Variants in GALNT13 observed in about 807,000 individuals in gnomAD.
GALNT13 encodes the protein UDP-GalNAc:polypeptide N-acetylgalactosaminyltransferase 13.
A neutral mutation model predicts 64.2 loss-of-function variants in GALNT13; 28 were observed. The ratio of observed to expected loss-of-function variants is 0.44; its 90% confidence interval spans 0.32 to 0.60. The LOEUF is 0.60. Among genes scored for constraint, GALNT13 ranks in the 20% least tolerant of loss-of-function variants. The probability of loss-of-function intolerance (pLI) is 0.05; values close to 1 mark genes in which losing one functional copy is unlikely to be tolerated. For missense variants in GALNT13, 577 were observed against 669.8 expected (o/e 0.86, Z 1.53); for synonymous variants, 214 against 224.6 (o/e 0.95, Z 0.42).
At chr2:153,998,938 A>G (rs1695709081) in intron 3 of GALNT13, among the ~76,000 whole-genome samples, 1 of 152,094 alleles carries the variant, frequency 6.6e-6, no homozygotes, top group Non-Finnish European at 1.5e-5. Context: ...ATGCTCATGG[A>G]TAGGAAGAAT....
the GALNT13 span, among the ~76,000 whole-genome samples, chr2:153,473,593 G>GA: frequency 1.3e-5 from 2 of 152,142 alleles, no homozygotes; most frequent in Non-Finnish European, 2.9e-5. Context: ...TTGACAGGTA[G>GA]AAAAAATATT....
intron 4 of GALNT13, among the ~76,000 whole-genome samples, chr2:154,191,403 G>T (rs1686571461): frequency 6.6e-6 from 1 of 152,154 alleles, no homozygotes; most frequent in South Asian, 2.1e-4. Flanking sequence ...AGCTTGGAAA[G>T]CTGCACTTGG....
chr2:154,258,912 G>T, intron 7 of GALNT13, 109 bp from the exon 8 acceptor site: 1 of 596,502 alleles, frequency 1.7e-6, no homozygotes, highest in Admixed American at 3.2e-5. Context: ...TTTTTAGTTT[G>T]AGATTTTTTA....
chr2:154,210,917 G>T (rs1687723019), intron 4 of GALNT13, among the ~76,000 whole-genome samples: 1 of 152,110 alleles, frequency 6.6e-6, no homozygotes, highest in Non-Finnish European at 1.5e-5. Context: ...TGACTCTTAG[G>T]TGTCTAGCTT....
At chr2:153,132,798 T>C in the GALNT13 span, among the ~76,000 whole-genome samples, 1 of 152,228 alleles carries the variant, frequency 6.6e-6, no homozygotes, top group South Asian at 2.1e-4. Flanking sequence ...TGGCTTACTG[T>C]AGCTTCAACC....
the GALNT13 span, among the ~76,000 whole-genome samples, chr2:153,117,982 T>G: frequency 6.6e-6 from 1 of 152,234 alleles, no homozygotes; most frequent in Admixed American, 6.6e-5. Context: ...TTTGCCTTAT[T>G]ATCTATTATC....
the GALNT13 span, among the ~76,000 whole-genome samples, chr2:153,692,224 A>C: frequency 6.6e-6 from 1 of 152,290 alleles, no homozygotes; most frequent in Admixed American, 6.5e-5. Flanking sequence ...GTTGGTAGTG[A>C]CTAGAAGGGA....
chr2:153,779,118 G>GGGA, the GALNT13 span, among the ~76,000 whole-genome samples: 1 of 151,940 alleles, frequency 6.6e-6, no homozygotes, highest in Admixed American at 6.6e-5. Flanking sequence ...TACATAATAA[G>GGGA]TACTGAATAA....
chr2:154,276,442 G>A (rs1691657753), intron 8 of GALNT13, among the ~76,000 whole-genome samples: 1 of 151,958 alleles, frequency 6.6e-6, no homozygotes. Context: ...CACCATATTG[G>A]CCAGGCTTGT....
At chr2:153,084,821 C>G in the GALNT13 span, among the ~76,000 whole-genome samples, 1 of 152,148 alleles carries the variant, frequency 6.6e-6, no homozygotes, top group Non-Finnish European at 1.5e-5. Context: ...TGAGAACACA[C>G]TAGTACAGTA....
chr2:153,762,358 A>C, the GALNT13 span: 3 of 152,176 alleles, frequency 2.0e-5, no homozygotes, highest in Non-Finnish European at 2.9e-5. Flanking sequence ...TCCTCTCTGC[A>C]TTCTTCTTCC....
chr2:154,019,603 CACA>C (rs1331944938), intron 3 of GALNT13, among the ~76,000 whole-genome samples: 2 of 6,324 alleles, frequency 3.2e-4, no homozygotes, highest in African/African-American at 1.6e-3. Context: ...AGTAAGACTC[CACA>C]CACACACACA....
chr2:154,120,321 G>T (rs1389308825), intron 3 of GALNT13, among the ~76,000 whole-genome samples: 1 of 152,162 alleles, frequency 6.6e-6, no homozygotes, highest in African/African-American at 2.4e-5. Flanking sequence ...ACCTGGCTGG[G>T]CAATTCTGCT....
At chr2:153,932,278 A>C (rs1690583870) in intron 2 of GALNT13, among the ~76,000 whole-genome samples, 1 of 151,560 alleles carries the variant, frequency 6.6e-6, no homozygotes, top group Admixed American at 6.6e-5. Context: ...TTCATATCTA[A>C]ATTTAATTTA....
At chr2:153,268,849 A>G in the GALNT13 span, among the ~76,000 whole-genome samples, 2 of 152,218 alleles carry the variant, frequency 1.3e-5, no homozygotes, top group Non-Finnish European at 2.9e-5. Flanking sequence ...CTCAACCTGT[A>G]TCCTGGCCCC....
chr2:153,123,401 C>A, the GALNT13 span, among the ~76,000 whole-genome samples: 2 of 152,120 alleles, frequency 1.3e-5, no homozygotes, highest in Non-Finnish European at 2.9e-5. Flanking sequence ...AAATTTAAAT[C>A]CAGAGTTGAT....
intron 3 of GALNT13, among the ~76,000 whole-genome samples, chr2:153,989,484 G>A (rs1330600791): frequency 6.6e-6 from 1 of 151,850 alleles, no homozygotes; most frequent in Admixed American, 6.6e-5. Flanking sequence ...TCCTCTTTTG[G>A]GTTTGTGTGC....
chr2:153,608,016 T>G, the GALNT13 span, among the ~76,000 whole-genome samples: 23 of 152,084 alleles, frequency 1.5e-4, no homozygotes, highest in African/African-American at 5.3e-4. Context: ...CAACTTTCTC[T>G]CTGTTTTTCA....
At chr2:153,729,638 G>A in the GALNT13 span, among the ~76,000 whole-genome samples, 2 of 151,872 alleles carry the variant, frequency 1.3e-5, no homozygotes, top group Non-Finnish European at 2.9e-5. Flanking sequence ...GAAGTCCTAG[G>A]TAGAGCAATT....
Sources: gnomAD v4.1 joint callset for allele counts (sites outside exome capture counted in the v4.1 genomes callset) on GRCh38, gnomAD v4.1.1 for gene constraint, MANE v1.5 for transcripts, NCBI Gene and HGNC (gene_info 2026-07-23, HGNC 2026-07-21) for gene names.